Variants in LINGO2 observed in about 807,000 individuals in gnomAD.
LINGO2 encodes leucine rich repeat and Ig domain containing 2.
In LINGO2, 14 loss-of-function variants were observed where a neutral mutation model predicts 30.6. That is an observed-to-expected ratio of 0.46 (90% CI 0.30 to 0.72). LINGO2 has a LOEUF of 0.72. Among genes scored for constraint, LINGO2 ranks in the 30% least tolerant of loss-of-function variants. LINGO2 has a pLI of 0.07. For missense variants in LINGO2, 729 were observed against 751.7 expected (o/e 0.97, Z 0.35); for synonymous variants, 317 against 288.5 (o/e 1.10, Z -1.00).
At chr9:28,008,200 C>A (rs1015458876) in intron 5 of LINGO2, among the ~76,000 whole-genome samples, 1 of 152,216 alleles carries the variant, frequency 6.6e-6, no homozygotes, top group East Asian at 1.9e-4. Context: ...TGCTGAGTTG[C>A]AAACTACTGG....
chr9:29,185,461 T>C, the LINGO2 span, among the ~76,000 whole-genome samples: 1 of 152,142 alleles, frequency 6.6e-6, no homozygotes, highest in African/African-American at 2.4e-5. Context: ...TTTAAACGCA[T>C]TGCTTAAAAT....
chr9:28,579,889 T>C (rs537891487), intron 1 of LINGO2, among the ~76,000 whole-genome samples: 1 of 152,230 alleles, frequency 6.6e-6, no homozygotes, highest in East Asian at 1.9e-4. Flanking sequence ...CAATCAGTTT[T>C]CTTAGCTAGA....
At chr9:28,497,300 C>A (rs1181618407) in intron 1 of LINGO2, among the ~76,000 whole-genome samples, 1 of 152,210 alleles carries the variant, frequency 6.6e-6, no homozygotes, top group Non-Finnish European at 1.5e-5. Flanking sequence ...GTACACCAAT[C>A]AGACACAGAT....
At chr9:28,853,764 T>G in the LINGO2 span, among the ~76,000 whole-genome samples, 1 of 151,856 alleles carries the variant, frequency 6.6e-6, no homozygotes. Flanking sequence ...CTCACTGTCA[T>G]GAGAACAGCA....
At chr9:28,047,730 T>C (rs1193692583) in intron 4 of LINGO2, among the ~76,000 whole-genome samples, 1 of 150,942 alleles carries the variant, frequency 6.6e-6, no homozygotes, top group East Asian at 2.0e-4. Context: ...ACATGCTTAG[T>C]AAATGTTAGC....
chr9:28,242,317 C>T (rs576248779), intron 4 of LINGO2, among the ~76,000 whole-genome samples: 5 of 151,936 alleles, frequency 3.3e-5, no homozygotes, highest in South Asian at 2.1e-4. Flanking sequence ...ATGAGAACTT[C>T]GTGAACCATA....
At chr9:29,138,326 C>T in the LINGO2 span, among the ~76,000 whole-genome samples, 6 of 151,682 alleles carry the variant, frequency 4.0e-5, no homozygotes, top group Admixed American at 6.6e-5. Flanking sequence ...CCCAGACCAC[C>T]GGCCAGAAAC....
chr9:29,146,791 G>C, the LINGO2 span, among the ~76,000 whole-genome samples: 1 of 152,010 alleles, frequency 6.6e-6, no homozygotes, highest in Non-Finnish European at 1.5e-5. Flanking sequence ...AAGACAAAGT[G>C]GCAGAAAACT....
At chr9:28,042,742 T>G (rs1444705358) in intron 4 of LINGO2, among the ~76,000 whole-genome samples, 1 of 152,114 alleles carries the variant, frequency 6.6e-6, no homozygotes, top group Non-Finnish European at 1.5e-5. Flanking sequence ...GCAATCAATA[T>G]CATCTTATAT....
chr9:29,126,073 A>G, the LINGO2 span, among the ~76,000 whole-genome samples: 1 of 152,130 alleles, frequency 6.6e-6, no homozygotes, highest in Admixed American at 6.6e-5. Context: ...TATTTTTGGA[A>G]CTACTTTACC....
chr9:29,065,160 A>C, the LINGO2 span, among the ~76,000 whole-genome samples: 1,120 of 152,204 alleles, frequency 7.4e-3, 11 homozygotes, highest in African/African-American at 0.026. Context: ...TCATTTTTTA[A>C]AAATGGCCAA....
At chr9:28,906,148 C>A in the LINGO2 span, among the ~76,000 whole-genome samples, 1 of 151,698 alleles carries the variant, frequency 6.6e-6, no homozygotes, top group Non-Finnish European at 1.5e-5. Flanking sequence ...CCAAGGGGCT[C>A]TAGGTGGCAG....
chr9:28,221,197 G>A (rs953157061), intron 4 of LINGO2, among the ~76,000 whole-genome samples: 1 of 150,608 alleles, frequency 6.6e-6, no homozygotes, highest in Non-Finnish European at 1.5e-5. Context: ...GCTACTTGGA[G>A]GCTGAGGCAG....
intron 2 of LINGO2, among the ~76,000 whole-genome samples, chr9:28,421,936 G>T (rs1378326727): frequency 6.6e-6 from 1 of 151,992 alleles, no homozygotes; most frequent in South Asian, 2.1e-4. Context: ...AACAAACTGG[G>T]AATACAGGAT....
chr9:28,833,726 T>C, the LINGO2 span, among the ~76,000 whole-genome samples: 1 of 152,226 alleles, frequency 6.6e-6, no homozygotes, highest in Non-Finnish European at 1.5e-5. Context: ...CCTCTGGAGA[T>C]GAACGAATAA....
intron 4 of LINGO2, among the ~76,000 whole-genome samples, chr9:28,174,330 T>G (rs1828683430): frequency 6.6e-6 from 1 of 152,212 alleles, no homozygotes. Context: ...GCATACTGGG[T>G]CAGAACACTG....
At chr9:28,525,941 A>G (rs1821011391) in intron 1 of LINGO2, among the ~76,000 whole-genome samples, 1 of 151,050 alleles carries the variant, frequency 6.6e-6, no homozygotes, top group Non-Finnish European at 1.5e-5. Flanking sequence ...TTGCAGTCCC[A>G]GCTACTCGGG....
chr9:28,026,803 CT>C (rs1823399811), intron 4 of LINGO2, among the ~76,000 whole-genome samples: 2 of 152,282 alleles, frequency 1.3e-5, no homozygotes, highest in African/African-American at 4.8e-5. Context: ...TTCTCTGCTC[CT>C]TGAACTATTT....
intron 4 of LINGO2, among the ~76,000 whole-genome samples, chr9:28,110,345 A>G (rs1051957798): frequency 7.2e-5 from 11 of 152,344 alleles, no homozygotes; most frequent in African/African-American, 2.6e-4. Flanking sequence ...CAAAGATTTC[A>G]TGACTAAAAC....
Sources: gnomAD v4.1 joint callset for allele counts (sites outside exome capture counted in the v4.1 genomes callset) on GRCh38, gnomAD v4.1.1 for gene constraint, MANE v1.5 for transcripts, NCBI Gene and HGNC (gene_info 2026-07-23, HGNC 2026-07-21) for gene names.